RNF220: variants seen among roughly 807,000 people sequenced by gnomAD.
RNF220 encodes E3 ubiquitin-protein ligase RNF220.
RNF220 carries 7 observed loss-of-function variants against 67.1 expected under a neutral mutation model. The observed-to-expected ratio is 0.10, with a 90% confidence interval of 0.06 to 0.20. The LOEUF is 0.20. RNF220 is among the 10% of genes least tolerant of loss of function. The pLI is 1.00. For missense variants in RNF220, 565 were observed against 740.3 expected (o/e 0.76, Z 2.75); for synonymous variants, 270 against 283.2 (o/e 0.95, Z 0.47).
rs1648689059 is a variant in RNF220 at position 44,417,613 on chromosome 1, C to A, written c.625+4891C>A. ...CACCATGGTGAGAAAACGGACACCG[C>A]AGCCGTCCTCCCTCCTCGCCCCGCG... On this transcript the variant is annotated intron_variant, in intron 2 of 14. Coordinates refer to ENST00000361799, the MANE Select transcript of RNF220 (RefSeq NM_018150.4). The surrounding 1 kb of genome is among the most constrained non-coding windows in gnomAD (Gnocchi z 4.0). Among the ~76,000 whole-genome samples, 1 of 152,240 alleles carries A rather than the reference C, an allele frequency of 6.6e-6. No homozygotes were observed. The highest frequency in any genetic ancestry group is 1.5e-5 in the Non-Finnish European group (1 of 68,042).
intron 2 of RNF220, among the ~76,000 whole-genome samples, chr1:44,456,127 T>C (rs1214648035): frequency 6.6e-6 from 1 of 152,210 alleles, no homozygotes; most frequent in Non-Finnish European, 1.5e-5. Context: ...ACAAAAGCCA[T>C]TGGGTAATCC....
chr1:44,572,785 GTCTCT>G (rs2148322965), intron 2 of RNF220, among the ~76,000 whole-genome samples: 1 of 152,130 alleles, frequency 6.6e-6, no homozygotes, highest in African/African-American at 2.4e-5. Context: ...TCATGCTTGT[GTCTCT>G]TCTCTTCAAT....
intron 2 of RNF220, among the ~76,000 whole-genome samples, chr1:44,592,536 C>CTGTGGG (rs1666192658): frequency 6.6e-6 from 1 of 152,212 alleles, no homozygotes. Context: ...TGTGGGCTCC[C>CTGTGGG]AGGTTGGCAG....
In RNF220 at chr1:44,614,230, C is replaced by A; in HGVS notation, c.691C>A (p.Leu231Met). ...APICPICQVL[L>M]RPSELQEHME... ...AATTTGCCCCATCTGCCAGGTCCTG[C>A]TGAGGCCCAGTGAGCTGCAGGAGCA... The change falls in exon 3 of 15, where the codon CTG becomes ATG. Residue 231 changes from leucine (L) to methionine (M), a missense_variant. Leu to Met is a conservative substitution (Grantham distance 15, BLOSUM62 2). Transcript: ENST00000361799. The A allele has an allele frequency of 6.2e-7, 1 of 1,614,192 alleles. No homozygotes were observed. Among genetic ancestry groups the A allele is most frequent in the East Asian group, 2.2e-5 (1 of 44,884 alleles).
At chr1:44,518,886 A>AC in intron 2 of RNF220, among the ~76,000 whole-genome samples, 1 of 147,264 alleles carries the variant, frequency 6.8e-6, no homozygotes, top group South Asian at 2.1e-4. Context: ...AAAACAAAAA[A>AC]AACAAAAAAA....
At chr1:44,547,484 C>G (rs964798974) in intron 2 of RNF220, among the ~76,000 whole-genome samples, 1 of 152,134 alleles carries the variant, frequency 6.6e-6, no homozygotes, top group Non-Finnish European at 1.5e-5. Flanking sequence ...CGGCATCTCT[C>G]ATACCACCTC....
chr1:44,629,518 C>T (rs1412149161), intron 5 of RNF220, among the ~76,000 whole-genome samples: 1 of 152,084 alleles, frequency 6.6e-6, no homozygotes, highest in African/African-American at 2.4e-5. Context: ...GGTCCAGTGT[C>T]TTGAGTGCTA....
chr1:44,500,233 C>A (rs902156837), intron 2 of RNF220, among the ~76,000 whole-genome samples: 1 of 152,236 alleles, frequency 6.6e-6, no homozygotes, highest in Non-Finnish European at 1.5e-5. Flanking sequence ...AGGCTACACA[C>A]GCTGCCCTTG....
At chr1:44,480,712 C>G (rs1265928495) in intron 2 of RNF220, among the ~76,000 whole-genome samples, 1 of 151,838 alleles carries the variant, frequency 6.6e-6, no homozygotes, top group Non-Finnish European at 1.5e-5. Flanking sequence ...ATGGTGAAAC[C>G]CTGTCTCTAT....
At chr1:44,432,028 C>T (rs1650432092) in intron 2 of RNF220, among the ~76,000 whole-genome samples, 1 of 152,206 alleles carries the variant, frequency 6.6e-6, no homozygotes, top group African/African-American at 2.4e-5. Context: ...TTGGCTGCAA[C>T]CAACTACTTC....
intron 2 of RNF220, among the ~76,000 whole-genome samples, chr1:44,482,166 G>A (rs1322764162): frequency 6.6e-6 from 1 of 152,200 alleles, no homozygotes; most frequent in Non-Finnish European, 1.5e-5. Flanking sequence ...ACAAGTAGCA[G>A]AACTGGGATT....
At chr1:44,440,117 C>T (rs1651399780) in intron 2 of RNF220, among the ~76,000 whole-genome samples, 1 of 152,188 alleles carries the variant, frequency 6.6e-6, no homozygotes, top group South Asian at 2.1e-4. Context: ...ATGGTAGCCA[C>T]TGGCCATGTG....
At chr1:44,589,647 A>ATTGTT (rs1369712977) in intron 2 of RNF220, among the ~76,000 whole-genome samples, 4 of 151,070 alleles carry the variant, frequency 2.6e-5, no homozygotes, top group Admixed American at 2.0e-4. Context: ...TCCACCTCCT[A>ATTGTT]AAGGTGGAGT....
intron 2 of RNF220, among the ~76,000 whole-genome samples, chr1:44,431,536 T>A (rs1201563633): frequency 2.0e-5 from 3 of 151,744 alleles, no homozygotes; most frequent in Non-Finnish European, 4.4e-5. Context: ...GGTCAAATGC[T>A]TGCTGCTTTC....
At chr1:44,541,072 C>A (rs1392847419) in intron 2 of RNF220, among the ~76,000 whole-genome samples, 1 of 152,192 alleles carries the variant, frequency 6.6e-6, no homozygotes. Flanking sequence ...TAGGTATCCT[C>A]ATGCTTATTT....
intron 2 of RNF220, among the ~76,000 whole-genome samples, chr1:44,566,698 A>G (rs1055592562): frequency 7.4e-6 from 1 of 135,522 alleles, no homozygotes; most frequent in Non-Finnish European, 1.7e-5. Context: ...GCAGGAACAC[A>G]CACACATTAC....
chr1:44,510,788 T>G (rs1158168619), intron 2 of RNF220, among the ~76,000 whole-genome samples: 1 of 152,152 alleles, frequency 6.6e-6, no homozygotes, highest in Non-Finnish European at 1.5e-5. Context: ...CACTACTCTA[T>G]TCCCAGTGCT....
rs1016760049 is a variant in RNF220 at position 44,417,149 on chromosome 1, C to A, written c.625+4427C>A. On this transcript the variant is annotated intron_variant, in intron 2 of 14. Transcript: ENST00000361799. The surrounding 1 kb of genome is among the most constrained non-coding windows in gnomAD (Gnocchi z 4.0). ...CTGGGTTGCAGCTGGGACAGATGAC[C>A]ACTGGGAAAGGGTCAGCAAATCGCC... Among the ~76,000 whole-genome samples the A allele has an allele frequency of 6.6e-6, 1 of 152,096 alleles. No individual in the cohort carries two copies. The highest frequency in any genetic ancestry group is 1.5e-5 in the Non-Finnish European group (1 of 68,024).
chr1:44,449,266 G>A lies in RNF220; in HGVS notation c.625+36544G>A, dbSNP rs1022302457. Among the ~76,000 whole-genome samples, 5 of 152,222 alleles carry A rather than the reference G, an allele frequency of 3.3e-5. No individual in the cohort carries two copies. In the East Asian group the frequency reaches 7.7e-4, roughly 23 times the overall value. ...ATAGTGGATACAGCACATTCAACAC[G>A]ATACCTGCACACAGTCAGTAATCAT... On this transcript the variant is annotated intron_variant, in intron 2 of 14. Transcript: ENST00000361799.
Sources: allele counts gnomAD v4.1 joint callset (sites outside exome capture counted in the v4.1 genomes callset), GRCh38; gene constraint gnomAD v4.1.1; non-coding constraint Gnocchi (gnomAD v3.1); transcripts MANE v1.5; gene names NCBI Gene and HGNC (gene_info 2026-07-23, HGNC 2026-07-21).